CHD1L: variants seen among roughly 807,000 people sequenced by gnomAD.
The protein encoded by CHD1L is ATP-dependent chromatin remodeler CHD1L.
CHD1L carries 118 observed loss-of-function variants against 115.9 expected under a neutral mutation model. The ratio of observed to expected loss-of-function variants is 1.02; its 90% CI spans 0.88 to 1.19. The LOEUF (loss-of-function observed/expected upper bound fraction) is 1.19, where lower values mean the gene tolerates loss of function less well. CHD1L is among the 50% of genes most tolerant of loss of function. The pLI is 0.00. For missense variants in CHD1L, 1,179 were observed against 1,065.3 expected, an observed-to-expected ratio of 1.11 and a Z score of -1.49; for synonymous variants, 411 against 387.1, an observed-to-expected ratio of 1.06 and a Z score of -0.72.
At chr1:147,178,695 C>A in the CHD1L span, 44 of 1,575,178 alleles carry the variant, frequency 2.8e-5, no homozygotes, top group Middle Eastern at 1.7e-4. Flanking sequence ...CTCTGGTGAA[C>A]GAGTATGATG....
At chr1:147,287,096 C>G (rs1553966618) in intron 18 of CHD1L, among the ~76,000 whole-genome samples, 1 of 152,178 alleles carries the variant, frequency 6.6e-6, no homozygotes. Flanking sequence ...ACACTTATGG[C>G]AGCAGGGGTT....
chr1:147,285,289 C>T lies in CHD1L; in HGVS notation c.1855-35C>T, dbSNP rs781934846. On this transcript the variant is annotated intron_variant, in intron 16 of 22. Transcript: ENST00000369258. Reference sequence around the variant, plus strand: ...ATAATGAAATTCGGGGAGGAATCTTCTTGACCCTGGTGATGGATCTTGTTC... The same window carrying T: ...ATAATGAAATTCGGGGAGGAATCTTTTTGACCCTGGTGATGGATCTTGTTC... 8.8e-6 allele frequency: 14 copies of T among 1,595,932 alleles called. No individual in the cohort carries two copies. In the Admixed American group the frequency reaches 2.2e-4, roughly 25 times the overall value.
chr1:147,242,121 T>C (rs1553931222), upstream of CHD1L, among the ~76,000 whole-genome samples: 1 of 152,186 alleles, frequency 6.6e-6, no homozygotes, highest in African/African-American at 2.4e-5. Flanking sequence ...CTGCTCCCCA[T>C]AATGCACTTG....
chr1:147,286,258 T>G (rs782649110), intron 17 of CHD1L, 40 bp from the exon 18 acceptor site: 3 of 1,587,784 alleles, frequency 1.9e-6, no homozygotes, highest in Non-Finnish European at 2.6e-6. Flanking sequence ...GAAATTGTGA[T>G]TGTCTGGGTT....
the CHD1L span, chr1:147,223,723 G>GC: frequency 5.0e-6 from 1 of 199,378 alleles, no homozygotes; most frequent in Non-Finnish European, 1.0e-5. Context: ...TTGTCAGATG[G>GC]CCCCCCTATA....
chr1:147,205,751 A>C, the CHD1L span, among the ~76,000 whole-genome samples: 1 of 152,220 alleles, frequency 6.6e-6, no homozygotes, highest in African/African-American at 2.4e-5. Flanking sequence ...CTTACACCTT[A>C]TACAAAAATT....
the CHD1L span, among the ~76,000 whole-genome samples, chr1:147,182,301 A>G: frequency 1.3e-5 from 2 of 152,224 alleles, no homozygotes; most frequent in Non-Finnish European, 2.9e-5. Flanking sequence ...TGCCATTGTT[A>G]CATTTCTCCT....
chr1:147,207,252 T>C, the CHD1L span, among the ~76,000 whole-genome samples: 1 of 152,166 alleles, frequency 6.6e-6, no homozygotes, highest in Admixed American at 6.5e-5. Context: ...GTATGTATGC[T>C]CTATATGTAT....
At chr1:147,293,310 C>CTT (rs35381917) in intron 20 of CHD1L, among the ~76,000 whole-genome samples, 127 of 150,038 alleles carry the variant, frequency 8.5e-4, no homozygotes, top group African/African-American at 9.8e-4. Context: ...GAAAAATTCT[C>CTT]TTTTTTTTTT....
Position 147,276,183 on chromosome 1 carries a change from C to T in CHD1L, c.1465C>T (p.Leu489Phe). 3 of 1,614,200 alleles carry T rather than the reference C, an allele frequency of 1.9e-6. No homozygotes were observed. In the South Asian group the frequency reaches 3.3e-5, roughly 18 times the overall value. ...VYRKAASKLQ[L>F]TNMIIEGGHF... ...TAGGAAAGCAGCCTCCAAACTGCAG[C>T]TCACCAACATGATCATAGAAGGAGG... is the stretch of plus-strand genomic sequence containing the variant. The change falls in exon 14 of 23, where the codon CTC becomes TTC. Residue 489 changes from leucine (L) to phenylalanine (F), a missense_variant. Coordinates refer to ENST00000369258, the MANE Select transcript of CHD1L (RefSeq NM_004284.6).
At chr1:147,267,006 A>G (rs1674189639) in intron 8 of CHD1L, among the ~76,000 whole-genome samples, 1 of 152,168 alleles carries the variant, frequency 6.6e-6, no homozygotes, top group Non-Finnish European at 1.5e-5. Flanking sequence ...CATATTCCCC[A>G]TGGGTAAGGG....
At chr1:147,251,785 C>T (rs1197775433) in intron 1 of CHD1L, among the ~76,000 whole-genome samples, 1 of 152,124 alleles carries the variant, frequency 6.6e-6, no homozygotes, top group African/African-American at 2.4e-5. Flanking sequence ...CCTGCCTCAG[C>T]CTCCCAAAGT....
At chr1:147,236,487 T>G in the CHD1L span, among the ~76,000 whole-genome samples, 1 of 152,328 alleles carries the variant, frequency 6.6e-6, no homozygotes, top group East Asian at 1.9e-4. Context: ...GAAACTTTAT[T>G]GAGTGACAGA....
the CHD1L span, among the ~76,000 whole-genome samples, chr1:147,221,356 C>CTGGACA: frequency 1.3e-5 from 2 of 152,140 alleles, no homozygotes; most frequent in East Asian, 3.8e-4. Context: ...AATGGGGTAA[C>CTGGACA]TGGACATGAG....
At chr1:147,229,822 G>T in the CHD1L span, among the ~76,000 whole-genome samples, 2 of 151,810 alleles carry the variant, frequency 1.3e-5, no homozygotes, top group African/African-American at 2.4e-5. Context: ...TCTGTTATTG[G>T]TGTATAAGAA....
intron 12 of CHD1L, among the ~76,000 whole-genome samples, chr1:147,274,751 C>T (rs1030071935): frequency 1.6e-4 from 25 of 152,010 alleles, no homozygotes; most frequent in Non-Finnish European, 2.2e-4. Flanking sequence ...CTTGTCTTGC[C>T]GTTGGTTTTG....
intron 12 of CHD1L, 74 bp downstream of exon 12, chr1:147,272,355 A>G (rs1287640710): frequency 3.8e-6 from 4 of 1,058,052 alleles, no homozygotes; most frequent in Non-Finnish European, 5.8e-6. Context: ...AACGGTTAGT[A>G]CACTTTTTTC....
At chr1:147,206,106 G>A in the CHD1L span, among the ~76,000 whole-genome samples, 1 of 150,580 alleles carries the variant, frequency 6.6e-6, no homozygotes, top group African/African-American at 2.5e-5. Context: ...AGTGGGTGAA[G>A]GATATGAACA....
At chr1:147,215,751 T>C in the CHD1L span, 1 of 1,586,264 alleles carries the variant, frequency 6.3e-7, no homozygotes, top group Non-Finnish European at 8.6e-7. Flanking sequence ...CACAATTTTC[T>C]ACCTTAAATC....
Sources: gnomAD v4.1 joint callset for allele counts (sites outside exome capture counted in the v4.1 genomes callset) on GRCh38, gnomAD v4.1.1 for gene constraint, MANE v1.5 for transcripts, NCBI Gene and HGNC (gene_info 2026-07-23, HGNC 2026-07-21) for gene names.